GBF1: variants seen among roughly 807,000 people sequenced by gnomAD.
GBF1 encodes the protein golgi brefeldin A resistant guanine nucleotide exchange factor 1.
A neutral mutation model predicts 210.5 loss-of-function variants in GBF1; 114 were observed. The ratio of observed to expected loss-of-function variants is 0.54; its 90% CI spans 0.47 to 0.63. The LOEUF (loss-of-function observed/expected upper bound fraction) is 0.63, where lower values mean the gene tolerates loss of function less well. GBF1 is among the 30% of genes least tolerant of loss of function. The pLI, the probability that GBF1 is intolerant of heterozygous loss-of-function variation, is 0.00. For missense variants in GBF1, 1,851 were observed against 2,357.7 expected, an observed-to-expected ratio of 0.79 and a Z score of 4.45; for synonymous variants, 850 against 889.2, an observed-to-expected ratio of 0.96 and a Z score of 0.78.
At chr10:102,246,062 C>T (rs147204568) in intron 1 of GBF1, among the ~76,000 whole-genome samples, 4 of 152,334 alleles carry the variant, frequency 2.6e-5, no homozygotes, top group African/African-American at 7.2e-5. Context: ...TAGTATTTAG[C>T]TTCTCCTTTC....
At chr10:102,321,010 G>C (rs2134158532) in intron 3 of GBF1, among the ~76,000 whole-genome samples, 1 of 152,020 alleles carries the variant, frequency 6.6e-6, no homozygotes, top group Non-Finnish European at 1.5e-5. Context: ...TGGCCAAGCT[G>C]GTCTCAAACT....
In GBF1 at chr10:102,273,711, TG is replaced by T. The variant is rs535872994; in HGVS notation, c.163+13596del. Among the ~76,000 whole-genome samples, 667 of 152,372 alleles carry T rather than the reference TG, an allele frequency of 4.4e-3. 1 individual carries two copies. Among genetic ancestry groups the T allele is most frequent in the Non-Finnish European group, 7.7e-3 (526 of 68,038 alleles). Reference sequence around the variant, plus strand: ...GTGGATTCTTCATCCCTATCAACTTTGATTTCAGTAAGACAGTTCTATTTAG... The same window carrying T: ...GTGGATTCTTCATCCCTATCAACTTTATTTCAGTAAGACAGTTCTATTTAG... On this transcript the variant is annotated intron_variant, in intron 3 of 39. Transcript: ENST00000369983.
chr10:102,361,982 G>T (rs983880149), intron 14 of GBF1, 70 bp downstream of exon 14: 14 of 809,008 alleles, frequency 1.7e-5, no homozygotes, highest in Non-Finnish European at 2.7e-5. Context: ...TGGTAGTGAG[G>T]ATGTTACATA....
chr10:102,375,822 T>G (rs940935443), intron 30 of GBF1, among the ~76,000 whole-genome samples: 4 of 151,996 alleles, frequency 2.6e-5, no homozygotes, highest in Non-Finnish European at 4.4e-5. Flanking sequence ...GAGGACTGAT[T>G]TGTCCTGAGG....
intron 3 of GBF1, among the ~76,000 whole-genome samples, chr10:102,324,985 G>A (rs2056766300): frequency 6.6e-6 from 1 of 152,148 alleles, no homozygotes; most frequent in African/African-American, 2.4e-5. Flanking sequence ...TGTATAAGGT[G>A]CCTAGTACAA....
At chr10:102,261,639 A>T (rs1377359145) in intron 3 of GBF1, among the ~76,000 whole-genome samples, 8 of 137,026 alleles carry the variant, frequency 5.8e-5, no homozygotes, top group Non-Finnish European at 1.1e-4. Context: ...TTTTTGAAAC[A>T]GTGTGTCTCT....
intron 3 of GBF1, among the ~76,000 whole-genome samples, chr10:102,267,712 T>A (rs1359415531): frequency 6.6e-6 from 1 of 152,172 alleles, no homozygotes; most frequent in Non-Finnish European, 1.5e-5. Context: ...TTGTGAATTG[T>A]TCAAGGCCTA....
At position 102,382,040 on chromosome 10, in the gene GBF1, C is replaced by T. The variant is rs1425965540; in HGVS notation, c.5303-16C>T. ...AACAAGGGAATCTGACTGTAACCAC[C>T]TTGCTTTCCCTACAGACTTTGAGAA... On this transcript the variant is annotated splice_polypyrimidine_tract_variant and intron_variant, in intron 39 of 39. Coordinates refer to ENST00000369983, the MANE Select transcript of GBF1 (RefSeq NM_001377137.1). 3 of 1,523,986 alleles carry T rather than the reference C, an allele frequency of 2.0e-6. No homozygotes were observed. 94.4% of individuals were successfully genotyped at this position (1,523,986 alleles called of 1,614,324 possible).
rs79994004 is a variant in GBF1 at position 102,291,171 on chromosome 10, CTTTG to C, written c.163+31083_163+31086del. ...TTCTATTACTATGAGCTATTCACTG[CTTTG>C]TTTGTTTGTTTGTTTGTTTGTTTGT... On this transcript the variant is annotated intron_variant, in intron 3 of 39. Coordinates refer to ENST00000369983, the MANE Select transcript of GBF1 (RefSeq NM_001377137.1). Among the ~76,000 whole-genome samples the C allele has an allele frequency of 2.6e-3, 394 of 151,718 alleles. 4 individuals carry two copies. The highest frequency in any genetic ancestry group is 0.021 in the South Asian group (102 of 4,804).
At chr10:102,364,560 C>G (rs1353100974) in intron 17 of GBF1, among the ~76,000 whole-genome samples, 1 of 151,070 alleles carries the variant, frequency 6.6e-6, no homozygotes, top group Non-Finnish European at 1.5e-5. Context: ...AAAACCTAAC[C>G]CTTTCTGGCC....
chr10:102,253,091 C>T (rs1438073607), intron 1 of GBF1, among the ~76,000 whole-genome samples: 2 of 152,056 alleles, frequency 1.3e-5, no homozygotes, highest in Admixed American at 1.3e-4. Flanking sequence ...GTGGGGGTTT[C>T]ACCATGCTGG....
intron 3 of GBF1, among the ~76,000 whole-genome samples, chr10:102,316,403 G>A (rs1448789351): frequency 6.6e-6 from 1 of 152,046 alleles, no homozygotes; most frequent in East Asian, 1.9e-4. Flanking sequence ...TCTACTTTTT[G>A]ACCTGTCTAG....
intron 3 of GBF1, among the ~76,000 whole-genome samples, chr10:102,293,657 C>CT (rs1186441457): frequency 6.7e-6 from 1 of 149,488 alleles, no homozygotes. Context: ...GTGTTTGTGG[C>CT]TTAGTTTTTA....
chr10:102,312,030 G>A (rs192413321), intron 3 of GBF1, among the ~76,000 whole-genome samples: 13 of 152,086 alleles, frequency 8.5e-5, no homozygotes, highest in Non-Finnish European at 2.9e-5. Context: ...GGTAGCTCAC[G>A]CCTGTAATCC....
intron 3 of GBF1, among the ~76,000 whole-genome samples, chr10:102,284,343 T>G (rs575030189): frequency 2.6e-5 from 4 of 152,308 alleles, no homozygotes; most frequent in African/African-American, 9.6e-5. Context: ...ACATTCACAA[T>G]GTACCCTATC....
chr10:102,347,198 AG>A (rs1478883298), intron 4 of GBF1, among the ~76,000 whole-genome samples: 1 of 152,204 alleles, frequency 6.6e-6, no homozygotes, highest in Non-Finnish European at 1.5e-5. Context: ...TAGCCAGAAA[AG>A]AAAATAGTCT....
chr10:102,288,071 C>G (rs1014730885), intron 3 of GBF1, among the ~76,000 whole-genome samples: 1 of 152,122 alleles, frequency 6.6e-6, no homozygotes, highest in Non-Finnish European at 1.5e-5. Context: ...GCTGTCTCAG[C>G]CATAAGCGCT....
Position 102,376,942 on chromosome 10 carries a change from G to A in GBF1, c.4296G>A (p.Lys1432=), listed in dbSNP as rs1234394130. The change falls in exon 33 of 40, where the codon AAG becomes AAA. Residue 1432 remains lysine, a synonymous_variant. Transcript: ENST00000369983. ...GAGTCTGGCTCTGCTCAGGATGCAAGTCCCAGGAGAAACGTGGCAAGAGTC... is the reference window on the plus strand; with the variant it reads ...GAGTCTGGCTCTGCTCAGGATGCAAATCCCAGGAGAAACGTGGCAAGAGTC... The part of the protein sequence containing the change: ...FVEASLNGGC[K]SQEKRGKSHK... 1 of 1,614,086 alleles carries A rather than the reference G, an allele frequency of 6.2e-7. No individual in the cohort carries two copies. The highest frequency in any genetic ancestry group is 8.5e-7 in the Non-Finnish European group (1 of 1,179,970).
In GBF1 at chr10:102,260,135, G is replaced by A; in HGVS notation, c.163+19G>A. ...ATAACAGGTAAGTCTCCATATGTATGTGGATTACTAATCTTGGTAAAAAAT... is the reference window on the plus strand; with the variant it reads ...ATAACAGGTAAGTCTCCATATGTATATGGATTACTAATCTTGGTAAAAAAT... On this transcript the variant is annotated intron_variant, in intron 3 of 39. Transcript: ENST00000369983. The A allele has an allele frequency of 2.4e-6, 3 of 1,227,012 alleles. No individual in the cohort carries two copies. The highest frequency in any genetic ancestry group is 3.6e-6 in the Non-Finnish European group (3 of 836,584). The allele number at this position is 1,227,012 out of a possible 1,614,324, so 76.0% of individuals were successfully genotyped here.
Sources: allele counts gnomAD v4.1 joint callset (sites outside exome capture counted in the v4.1 genomes callset), GRCh38; gene constraint gnomAD v4.1.1; transcripts MANE v1.5; gene names NCBI Gene and HGNC (gene_info 2026-07-23, HGNC 2026-07-21).